Variants in DNAH6 observed in about 807,000 individuals in gnomAD.
DNAH6 encodes axonemal beta dynein heavy chain 6.
DNAH6 carries 340 observed loss-of-function variants against 491.4 expected under a neutral mutation model. The ratio of observed to expected loss-of-function variants is 0.69; its 90% CI spans 0.63 to 0.76. The LOEUF is 0.76. DNAH6 is among the 30% of genes least tolerant of loss of function. The pLI, the probability that DNAH6 is intolerant of heterozygous loss-of-function variation, is 0.00. For synonymous variants in DNAH6, 1,603 were observed against 1,686.1 expected (o/e 0.95, Z 1.21); for missense variants, 4,443 against 4,972.2 (o/e 0.89, Z 3.20).
upstream of DNAH6, among the ~76,000 whole-genome samples, chr2:84,512,062 T>G (rs1675354994): frequency 6.6e-6 from 1 of 152,170 alleles, no homozygotes; most frequent in South Asian, 2.1e-4. Flanking sequence ...AAAGAAAGTG[T>G]TTTCTGTTTT....
intron 11 of DNAH6, among the ~76,000 whole-genome samples, chr2:84,567,391 C>G (rs1681316566): frequency 6.6e-6 from 1 of 151,998 alleles, no homozygotes; most frequent in Non-Finnish European, 1.5e-5. Flanking sequence ...TCACACTACT[C>G]AACTTCAAAC....
intron 29 of DNAH6, among the ~76,000 whole-genome samples, chr2:84,627,802 C>A (rs1205221217): frequency 1.3e-5 from 2 of 152,056 alleles, no homozygotes; most frequent in Non-Finnish European, 2.9e-5. Flanking sequence ...CTTCTCTTAC[C>A]CTCATATTTT....
the DNAH6 span, among the ~76,000 whole-genome samples, chr2:84,460,370 G>A: frequency 3.3e-5 from 5 of 152,180 alleles, no homozygotes; most frequent in African/African-American, 1.2e-4. Flanking sequence ...AATAGTATCA[G>A]TGGTTTCCAG....
intron 70 of DNAH6, among the ~76,000 whole-genome samples, chr2:84,805,197 C>T (rs1220235039): frequency 1.3e-5 from 2 of 152,166 alleles, no homozygotes; most frequent in African/African-American, 2.4e-5. Context: ...CAACTATGTA[C>T]TAGGCATTTC....
intron 43 of DNAH6, among the ~76,000 whole-genome samples, chr2:84,686,236 A>G (rs1261588594): frequency 6.6e-6 from 1 of 152,144 alleles, no homozygotes; most frequent in Non-Finnish European, 1.5e-5. Flanking sequence ...TTATTTCTTA[A>G]ATAAGTATCC....
intron 68 of DNAH6, among the ~76,000 whole-genome samples, chr2:84,788,913 T>A (rs552365090): frequency 2.0e-4 from 30 of 152,226 alleles, no homozygotes; most frequent in Non-Finnish European, 4.3e-4. Flanking sequence ...TCATCTATGT[T>A]GAAAATTCCA....
intron 26 of DNAH6, among the ~76,000 whole-genome samples, chr2:84,622,590 G>T (rs1441005224): frequency 6.6e-6 from 1 of 152,068 alleles, no homozygotes; most frequent in Non-Finnish European, 1.5e-5. Flanking sequence ...ATGGACACTT[G>T]TGTTATTTCC....
chr2:84,612,359 G>T (rs1192893387), intron 22 of DNAH6, among the ~76,000 whole-genome samples: 1 of 152,032 alleles, frequency 6.6e-6, no homozygotes, highest in Admixed American at 6.6e-5. Flanking sequence ...TTCCATTTCT[G>T]TGGATGTGGA....
At chr2:84,615,497 G>C (rs1020350558) in intron 22 of DNAH6, among the ~76,000 whole-genome samples, 7 of 152,036 alleles carry the variant, frequency 4.6e-5, no homozygotes, top group Non-Finnish European at 1.0e-4. Context: ...TTTTTGCTTA[G>C]TCATGCTTTG....
At chr2:84,476,977 A>G in the DNAH6 span, among the ~76,000 whole-genome samples, 1 of 152,122 alleles carries the variant, frequency 6.6e-6, no homozygotes, top group Non-Finnish European at 1.5e-5. Flanking sequence ...CTCCACTTTC[A>G]CATGCTCTAG....
chr2:84,601,027 GTTA>G (rs895495573), intron 18 of DNAH6, among the ~76,000 whole-genome samples: 6 of 142,964 alleles, frequency 4.2e-5, no homozygotes, highest in South Asian at 4.3e-4. Flanking sequence ...TAATAATAAT[GTTA>G]TTATTATACT....
At chr2:84,548,158 G>T in intron 7 of DNAH6, 130 bp from the exon 8 acceptor site, 1 of 965,784 alleles carries the variant, frequency 1.0e-6, no homozygotes, top group East Asian at 2.7e-5. Context: ...TGTTTTTCAG[G>T]TTTGAATTGC....
intron 45 of DNAH6, among the ~76,000 whole-genome samples, chr2:84,692,263 T>C (rs997236502): frequency 1.3e-5 from 2 of 152,194 alleles, no homozygotes; most frequent in African/African-American, 4.8e-5. Context: ...CAGGCCCCCA[T>C]GATGAAGCTT....
At chr2:84,615,083 C>T (rs141806105) in intron 22 of DNAH6, among the ~76,000 whole-genome samples, 1 of 151,908 alleles carries the variant, frequency 6.6e-6, no homozygotes, top group Admixed American at 6.6e-5. Context: ...GTCGCATTTG[C>T]CTTTGGGTTT....
At chr2:84,464,289 C>T in the DNAH6 span, among the ~76,000 whole-genome samples, 4 of 152,282 alleles carry the variant, frequency 2.6e-5, no homozygotes, top group African/African-American at 4.8e-5. Flanking sequence ...CATCCCCGCT[C>T]GCCAAAACAT....
chr2:84,803,142 G>A (rs1175865503), intron 70 of DNAH6, among the ~76,000 whole-genome samples: 1 of 152,136 alleles, frequency 6.6e-6, no homozygotes, highest in Non-Finnish European at 1.5e-5. Flanking sequence ...ACAACCTAAT[G>A]TTGCACCCAA....
intron 62 of DNAH6, among the ~76,000 whole-genome samples, chr2:84,743,883 A>G (rs1276415817): frequency 1.3e-5 from 2 of 152,202 alleles, no homozygotes; most frequent in Non-Finnish European, 2.9e-5. Context: ...TTTATACATT[A>G]TTTTCTCCCA....
intron 33 of DNAH6, among the ~76,000 whole-genome samples, 176 bp from the exon 34 acceptor site, chr2:84,653,143 A>G (rs1184616051): frequency 6.6e-6 from 1 of 152,110 alleles, no homozygotes; most frequent in Non-Finnish European, 1.5e-5. Flanking sequence ...ATCATACATG[A>G]TATCAGAGAA....
At chr2:84,614,034 A>G (rs1686588998) in intron 22 of DNAH6, among the ~76,000 whole-genome samples, 1 of 151,446 alleles carries the variant, frequency 6.6e-6, no homozygotes, top group East Asian at 1.9e-4. Flanking sequence ...TTATTTATTT[A>G]TTTTTATTTC....
Sources: allele counts gnomAD v4.1 joint callset (sites outside exome capture counted in the v4.1 genomes callset), GRCh38; gene constraint gnomAD v4.1.1; transcripts MANE v1.5; gene names NCBI Gene and HGNC (gene_info 2026-07-23, HGNC 2026-07-21).